Variants in BICD2 observed in about 807,000 individuals in gnomAD.
BICD2 encodes the protein protein bicaudal D homolog 2.
In BICD2, 25 loss-of-function variants were observed where a neutral mutation model predicts 72.9. The observed-to-expected ratio is 0.34, with a 90% CI of 0.25 to 0.48. BICD2 has a LOEUF of 0.48. BICD2 is among the 20% of genes least tolerant of loss of function. BICD2 has a pLI of 0.99. For synonymous variants in BICD2, 501 were observed against 516.1 expected, an observed-to-expected ratio of 0.97 and a Z score of 0.40; for missense variants, 894 against 1,175.2, an observed-to-expected ratio of 0.76 and a Z score of 3.50.
intron 1 of BICD2, among the ~76,000 whole-genome samples, chr9:92,751,359 C>T (rs1018783246): frequency 6.6e-6 from 1 of 152,082 alleles, no homozygotes; most frequent in Non-Finnish European, 1.5e-5. Flanking sequence ...TCATGTTGGC[C>T]AGGCTGGCTC....
At chr9:92,762,376 T>A (rs1408361985) in intron 1 of BICD2, among the ~76,000 whole-genome samples, 1 of 152,132 alleles carries the variant, frequency 6.6e-6, no homozygotes, top group Non-Finnish European at 1.5e-5. Context: ...TCTGGCAACA[T>A]CTACTGAAAC....
chr9:92,724,610 C>T (rs62574682), intron 2 of BICD2, among the ~76,000 whole-genome samples: 4 of 152,302 alleles, frequency 2.6e-5, no homozygotes, highest in South Asian at 4.1e-4. Context: ...AGAAAGTGAG[C>T]GAGGTGCATG....
intron 2 of BICD2, among the ~76,000 whole-genome samples, chr9:92,727,758 G>T (rs1396881726): frequency 6.6e-6 from 1 of 151,988 alleles, no homozygotes; most frequent in African/African-American, 2.4e-5. Context: ...CCCACTCCCC[G>T]TGTAGCCACC....
intron 1 of BICD2, among the ~76,000 whole-genome samples, chr9:92,739,596 G>A (rs540566303): frequency 3.1e-4 from 47 of 152,198 alleles, no homozygotes; most frequent in Non-Finnish European, 4.4e-4. Context: ...CCCCGACCAC[G>A]ATTTTACTCC....
chr9:92,738,423 T>A (rs1395087151), intron 1 of BICD2, among the ~76,000 whole-genome samples: 1 of 152,138 alleles, frequency 6.6e-6, no homozygotes, highest in African/African-American at 2.4e-5. Flanking sequence ...ATGGAAGATG[T>A]CCTTACTCTG....
chr9:92,740,938 G>T (rs1020820577), intron 1 of BICD2, among the ~76,000 whole-genome samples: 1 of 152,198 alleles, frequency 6.6e-6, no homozygotes, highest in Admixed American at 6.5e-5. Flanking sequence ...GCCCAGGAGG[G>T]AGTCTGGGTG....
chr9:92,725,605 C>A (rs1349606005), intron 2 of BICD2, among the ~76,000 whole-genome samples: 2 of 152,236 alleles, frequency 1.3e-5, no homozygotes, highest in Admixed American at 6.5e-5. Flanking sequence ...GACTGGGCAG[C>A]CCAAATGAAG....
intron 1 of BICD2, among the ~76,000 whole-genome samples, chr9:92,746,407 C>T (rs1412780647): frequency 6.6e-6 from 1 of 152,018 alleles, no homozygotes; most frequent in African/African-American, 2.4e-5. Flanking sequence ...TGGCAGGGGC[C>T]TGTAATCTCA....
At chr9:92,752,306 T>C (rs568773943) in intron 1 of BICD2, among the ~76,000 whole-genome samples, 1 of 151,564 alleles carries the variant, frequency 6.6e-6, no homozygotes, top group East Asian at 2.0e-4. Flanking sequence ...TGCAACATCT[T>C]GTAGTGCCAG....
At chr9:92,757,156 T>C (rs1433877782) in intron 1 of BICD2, among the ~76,000 whole-genome samples, 2 of 151,646 alleles carry the variant, frequency 1.3e-5, no homozygotes, top group Admixed American at 6.6e-5. Context: ...TCTACTAAAA[T>C]ACAAAAAATT....
In BICD2 at chr9:92,764,599, G is replaced by A; in HGVS notation, c.146C>T (p.Ala49Val). ...EKIQAAEYGL[A>V]VLEEKHQLKL... ...GAGCTGGTGCTTCTCCTCGAGCACC[G>A]CCAGCCCGTACTCGGCCGCCTGGAT... The change falls in exon 1 of 7, where the codon GCG becomes GTG. Residue 49 changes from alanine (A) to valine (V), a missense_variant. Transcript: ENST00000356884. This position sits in a 1 kb window ranked among gnomAD's most constrained non-coding sequence, Gnocchi z 5.5. 6.3e-7 allele frequency: 1 copy of A among 1,583,522 alleles called. No homozygotes were observed. The highest frequency in any genetic ancestry group is 1.3e-5 in the African/African-American group (1 of 74,234).
At position 92,714,102 on chromosome 9, in the gene BICD2, C is replaced by T; in HGVS notation, c.*1052G>A. The T allele has an allele frequency of 2.0e-6, 2 of 985,922 alleles. No homozygotes were observed. The highest frequency in any genetic ancestry group is 2.4e-6 in the Non-Finnish European group (2 of 830,256). The allele number at this position is 985,922 out of a possible 1,614,324, so 61.1% of individuals were successfully genotyped here. ...CTCTGTTGCCATCCCCCAGATTGCA[C>T]TAAATAAAGAGACCTAAACATCTCC... On this transcript the variant is annotated 3_prime_UTR_variant, in exon 7 of 7. Transcript: ENST00000356884.
chr9:92,728,985 T>C, intron 2 of BICD2, 39 bp downstream of exon 2: 1 of 1,596,244 alleles, frequency 6.3e-7, no homozygotes, highest in South Asian at 1.1e-5. Flanking sequence ...CTGGTGGCAC[T>C]GCTGCAGCCA....
intron 1 of BICD2, among the ~76,000 whole-genome samples, chr9:92,762,552 G>A (rs1302034879): frequency 3.9e-5 from 6 of 152,106 alleles, no homozygotes; most frequent in African/African-American, 1.4e-4. Flanking sequence ...GCAAGCAGAC[G>A]CCTAAAGAGT....
intron 6 of BICD2, 69 bp from the exon 7 acceptor site, chr9:92,715,532 C>T (rs1853291545): frequency 6.8e-7 from 1 of 1,467,918 alleles, no homozygotes. Flanking sequence ...CAGGGCAGGG[C>T]TAAGCTGCAC....
chr9:92,714,719 C>G lies in BICD2; in HGVS notation c.*435G>C. On this transcript the variant is annotated 3_prime_UTR_variant, in exon 7 of 7. Transcript: ENST00000356884. ...GTACCTATGCTGCAGGCTGGAACCT[C>G]CTAAAACTGCTTTCTAGTGCTGACA... is the stretch of plus-strand genomic sequence containing the variant. The G allele has an allele frequency of 1.0e-6, 1 of 995,700 alleles. No individual in the cohort carries two copies. The highest frequency in any genetic ancestry group is 1.2e-6 in the Non-Finnish European group (1 of 837,252). 61.7% of individuals were successfully genotyped at this position (995,700 alleles called of 1,614,324 possible). A position where few individuals can be genotyped will look rare whatever the true frequency, so the allele number is the denominator to read the frequency against.
intron 1 of BICD2, among the ~76,000 whole-genome samples, chr9:92,763,922 G>A (rs562260480): frequency 2.0e-5 from 3 of 152,346 alleles, no homozygotes; most frequent in Admixed American, 1.3e-4. Flanking sequence ...ACCTCCACGT[G>A]CAACCCCGAG....
In BICD2 at chr9:92,764,293, C is replaced by A. The variant is rs951344481; in HGVS notation, c.240+212G>T. 6.6e-6 allele frequency among the ~76,000 whole-genome samples: 1 copy of A among 152,192 alleles called. No homozygotes were observed. The highest frequency in any genetic ancestry group is 2.4e-5 in the African/African-American group (1 of 41,464). ...CAGGAGGCGACAAGGCGCCCGGACC[C>A]CTGCATTAGCGGCGTCTGCAACGGC... On this transcript the variant is annotated intron_variant, in intron 1 of 6. Transcript: ENST00000356884. This position sits in a 1 kb window ranked among gnomAD's most constrained non-coding sequence, Gnocchi z 5.5.
intron 2 of BICD2, among the ~76,000 whole-genome samples, chr9:92,728,606 A>G (rs1466058638): frequency 6.6e-6 from 1 of 152,178 alleles, no homozygotes; most frequent in African/African-American, 2.4e-5. Flanking sequence ...TTGTGTTCTT[A>G]TTACAGCTGG....
Sources: allele counts gnomAD v4.1 joint callset (sites outside exome capture counted in the v4.1 genomes callset), GRCh38; gene constraint gnomAD v4.1.1; non-coding constraint Gnocchi (gnomAD v3.1); transcripts MANE v1.5; gene names NCBI Gene and HGNC (gene_info 2026-07-23, HGNC 2026-07-21).